The following BABAM2 variants were observed in gnomAD, a reference collection of about 807,000 sequenced individuals.
BABAM2 encodes the protein BRISC and BRCA1 A complex member 2.
A neutral mutation model predicts 54.7 loss-of-function variants in BABAM2; 31 were observed. The observed-to-expected ratio is 0.57, with a 90% CI of 0.43 to 0.77. The LOEUF (loss-of-function observed/expected upper bound fraction) is 0.77, where lower values mean the gene tolerates loss of function less well. Among genes scored for constraint, BABAM2 ranks in the 30% least tolerant of loss-of-function variants. The pLI, the probability that BABAM2 is intolerant of heterozygous loss-of-function variation, is 0.00. For synonymous variants in BABAM2, 167 were observed against 162.9 expected, an observed-to-expected ratio of 1.03 and a Z score of -0.19; for missense variants, 364 against 455.8, an observed-to-expected ratio of 0.80 and a Z score of 1.83.
At chr2:28,307,762 C>T (rs1171048682) in intron 11 of BABAM2, 2 of 152,050 alleles carry the variant, frequency 1.3e-5, no homozygotes, top group Admixed American at 6.5e-5. Context: ...AATTACCTTC[C>T]ATCTTATTCT....
At chr2:28,139,854 A>G (rs988722789) in intron 7 of BABAM2, among the ~76,000 whole-genome samples, 9 of 152,194 alleles carry the variant, frequency 5.9e-5, no homozygotes, top group African/African-American at 2.2e-4. Flanking sequence ...TATCTGAGCT[A>G]CTAGCATCTC....
chr2:28,291,623 T>C (rs1406799403), intron 10 of BABAM2, among the ~76,000 whole-genome samples: 1 of 152,064 alleles, frequency 6.6e-6, no homozygotes, highest in Non-Finnish European at 1.5e-5. Flanking sequence ...AAAGATAATT[T>C]GTTTACATGA....
chr2:28,139,321 C>CAAAAAAAAAAAAAAAAAAA (rs768755922), intron 7 of BABAM2, among the ~76,000 whole-genome samples: 16 of 87,084 alleles, frequency 1.8e-4, no homozygotes, highest in African/African-American at 4.0e-4. Flanking sequence ...AACTCCGTCT[C>CAAAAAAAAAAAAAAAAAAA]AAAAAAAAAA....
intron 2 of BABAM2, among the ~76,000 whole-genome samples, chr2:27,916,268 A>G (rs1371198832): frequency 6.9e-6 from 1 of 145,322 alleles, no homozygotes; most frequent in East Asian, 2.8e-4. Flanking sequence ...ATCAAGGCAT[A>G]AAAACAGTGG....
intron 4 of BABAM2, among the ~76,000 whole-genome samples, chr2:27,994,552 G>T (rs72812549): frequency 6.6e-6 from 1 of 151,972 alleles, no homozygotes; most frequent in Non-Finnish European, 1.5e-5. Flanking sequence ...TTTGATCTTC[G>T]TACAAATGAA....
chr2:27,943,575 C>G (rs1200309585), intron 3 of BABAM2, among the ~76,000 whole-genome samples: 1 of 152,142 alleles, frequency 6.6e-6, no homozygotes, highest in Non-Finnish European at 1.5e-5. Flanking sequence ...TAGGAGGCTC[C>G]CTAGACCAGT....
In BABAM2 at chr2:28,220,819, C is replaced by G. The variant is rs144690290; in HGVS notation, c.681-16383C>G. On this transcript the variant is annotated intron_variant, in intron 7 of 11. Coordinates refer to ENST00000379624, the MANE Select transcript of BABAM2 (RefSeq NM_199191.3). The stretch of plus-strand genomic sequence containing the variant: ...TGCTTGTAGTCCCAGCTACTTAGGA[C>G]GCTGAGGTAGGAGGATCACTTGAGC... Among the ~76,000 whole-genome samples, 896 of 152,152 alleles carry G rather than the reference C, an allele frequency of 5.9e-3. 8 individuals carry two copies. Among genetic ancestry groups the G allele is most frequent in the African/African-American group, 0.02 (845 of 41,508 alleles).
At chr2:28,184,880 T>C (rs1354114105) in intron 7 of BABAM2, among the ~76,000 whole-genome samples, 3 of 152,222 alleles carry the variant, frequency 2.0e-5, no homozygotes, top group African/African-American at 7.2e-5. Context: ...TTAGGTAAAG[T>C]GCGTATACTA....
At chr2:28,192,766 C>T (rs1479386758) in intron 7 of BABAM2, among the ~76,000 whole-genome samples, 2 of 151,948 alleles carry the variant, frequency 1.3e-5, no homozygotes, top group Non-Finnish European at 2.9e-5. Flanking sequence ...TCGTGATCCG[C>T]CCACCTGGGC....
At chr2:28,100,898 A>G (rs1667026586) in intron 6 of BABAM2, among the ~76,000 whole-genome samples, 1 of 152,184 alleles carries the variant, frequency 6.6e-6, no homozygotes, top group South Asian at 2.1e-4. Context: ...CATCATGGTC[A>G]GGAGGAAGAA....
chr2:28,057,787 A>G (rs369779905), intron 6 of BABAM2, among the ~76,000 whole-genome samples: 1 of 152,124 alleles, frequency 6.6e-6, no homozygotes, highest in African/African-American at 2.4e-5. Flanking sequence ...CCTGGCTGGG[A>G]AAAAAACCTT....
intron 6 of BABAM2, among the ~76,000 whole-genome samples, chr2:28,097,982 C>G (rs990186498): frequency 1.3e-5 from 2 of 152,124 alleles, no homozygotes; most frequent in South Asian, 2.1e-4. Context: ...TAAAATAATT[C>G]TTCTTTTGTA....
chr2:28,023,526 A>G (rs894736986), intron 4 of BABAM2, among the ~76,000 whole-genome samples: 4 of 152,224 alleles, frequency 2.6e-5, no homozygotes, highest in African/African-American at 9.6e-5. Context: ...TATTGAGGTC[A>G]ACAGATTTGC....
intron 11 of BABAM2, among the ~76,000 whole-genome samples, chr2:28,332,326 T>C (rs998326100): frequency 6.6e-6 from 1 of 152,188 alleles, no homozygotes; most frequent in African/African-American, 2.4e-5. Flanking sequence ...AAAGAGGTGC[T>C]AGTGTCTGAA....
chr2:27,983,070 T>G (rs1255994777), intron 3 of BABAM2, among the ~76,000 whole-genome samples: 2 of 152,072 alleles, frequency 1.3e-5, no homozygotes, highest in Non-Finnish European at 2.9e-5. Flanking sequence ...TTTAATTTTT[T>G]TGTGTGGAAT....
intron 2 of BABAM2, among the ~76,000 whole-genome samples, chr2:27,924,368 G>T (rs977245626): frequency 6.6e-6 from 1 of 152,024 alleles, no homozygotes. Flanking sequence ...AGGCAACAGA[G>T]GAAAGCTCTT....
At chr2:28,238,532 G>A (rs1357465567) in intron 8 of BABAM2, among the ~76,000 whole-genome samples, 1 of 152,222 alleles carries the variant, frequency 6.6e-6, no homozygotes, top group Non-Finnish European at 1.5e-5. Flanking sequence ...AAGAGCTTCA[G>A]TATTATTTTT....
At chr2:28,037,694 C>T (rs1225868528) in intron 5 of BABAM2, among the ~76,000 whole-genome samples, 1 of 152,126 alleles carries the variant, frequency 6.6e-6, no homozygotes, top group Non-Finnish European at 1.5e-5. Flanking sequence ...GTTGTTTCTC[C>T]ACAGTATTGT....
intron 5 of BABAM2, among the ~76,000 whole-genome samples, chr2:28,030,977 T>G (rs1415242185): frequency 6.6e-6 from 1 of 152,184 alleles, no homozygotes; most frequent in African/African-American, 2.4e-5. Flanking sequence ...AAGACTGTTA[T>G]AAATAACAAC....
Sources: allele counts gnomAD v4.1 joint callset (sites outside exome capture counted in the v4.1 genomes callset), GRCh38; gene constraint gnomAD v4.1.1; transcripts MANE v1.5; gene names NCBI Gene and HGNC (gene_info 2026-07-23, HGNC 2026-07-21).